The following DECR1 variants were observed in gnomAD, a reference collection of about 807,000 sequenced individuals.
The protein encoded by DECR1 is 2,4-dienoyl-CoA reductase [(3E)-enoyl-CoA-producing], mitochondrial.
In DECR1, 44 loss-of-function variants were observed where a neutral mutation model predicts 38.8. The ratio of observed to expected loss-of-function variants is 1.13; its 90% CI spans 0.89 to 1.46. The LOEUF (loss-of-function observed/expected upper bound fraction) is 1.46. Ranked by LOEUF, DECR1 falls within the 40% of genes most tolerant of loss-of-function variation. The pLI is 0.00. For missense variants in DECR1, 428 were observed against 405.5 expected, an observed-to-expected ratio of 1.06 and a Z score of -0.48; for synonymous variants, 148 against 135.2, an observed-to-expected ratio of 1.09 and a Z score of -0.66.
At chr8:90,027,624 G>T (rs1053232793) in intron 5 of DECR1, among the ~76,000 whole-genome samples, 2 of 152,026 alleles carry the variant, frequency 1.3e-5, no homozygotes, top group Non-Finnish European at 2.9e-5. Context: ...CTGCAGGTGA[G>T]ATGGGTCTCC....
intron 5 of DECR1, among the ~76,000 whole-genome samples, chr8:90,024,855 C>T (rs1483573761): frequency 6.6e-6 from 1 of 152,110 alleles, no homozygotes; most frequent in Non-Finnish European, 1.5e-5. Context: ...GGTTTTAGGT[C>T]TGACATTTAA....
At chr8:90,024,231 C>G (rs1393126460) in intron 5 of DECR1, among the ~76,000 whole-genome samples, 2 of 152,132 alleles carry the variant, frequency 1.3e-5, no homozygotes, top group East Asian at 1.9e-4. Context: ...GGGTATATAC[C>G]CAGTAATGGG....
intron 5 of DECR1, among the ~76,000 whole-genome samples, chr8:90,031,454 ATTAAAC>A (rs1410559669): frequency 2.6e-5 from 4 of 152,160 alleles, no homozygotes; most frequent in African/African-American, 9.7e-5. Flanking sequence ...TCTTACTATA[ATTAAAC>A]TTAAAAATAG....
At chr8:90,021,857 G>A (rs1813172386) in intron 5 of DECR1, among the ~76,000 whole-genome samples, 1 of 152,116 alleles carries the variant, frequency 6.6e-6, no homozygotes, top group Non-Finnish European at 1.5e-5. Context: ...GAACTTACTA[G>A]GAGAACATTT....
At chr8:90,020,504 T>A (rs150633423) in intron 4 of DECR1, among the ~76,000 whole-genome samples, 1 of 152,152 alleles carries the variant, frequency 6.6e-6, no homozygotes, top group African/African-American at 2.4e-5. Context: ...TACTCCCACC[T>A]CAGCCTCCCA....
In DECR1 at chr8:90,053,340, G is replaced by A. The variant is rs529179342; in HGVS notation, c.*1443G>A. ...AGTGAGGAGCAAAGTCATGTCTTAC[G>A]TGGTGGCACCCAAGAGAGCTTGTGC... On this transcript the variant is annotated 3_prime_UTR_variant, in exon 10 of 10. Coordinates refer to ENST00000220764, the MANE Select transcript of DECR1 (RefSeq NM_001359.2). Among the ~76,000 whole-genome samples, 2 of 152,266 alleles carry A rather than the reference G, an allele frequency of 1.3e-5. No individual in the cohort carries two copies. Among genetic ancestry groups the A allele is most frequent in the South Asian group, 2.1e-4 (1 of 4,822 alleles).
intron 5 of DECR1, among the ~76,000 whole-genome samples, chr8:90,021,585 T>C (rs549063483): frequency 6.6e-6 from 1 of 152,326 alleles, no homozygotes; most frequent in African/African-American, 2.4e-5. Context: ...TAGATTTCCA[T>C]TGAAGGTGGA....
intron 1 of DECR1, 93 bp downstream of exon 1, chr8:90,001,654 C>A: frequency 8.1e-7 from 1 of 1,231,406 alleles, no homozygotes; most frequent in East Asian, 2.5e-5. Flanking sequence ...GGAGCGAGGA[C>A]AAGGCATCCT....
chr8:90,036,689 C>T (rs1586159235), intron 5 of DECR1, 152 bp from the exon 6 acceptor site: 1 of 527,982 alleles, frequency 1.9e-6, no homozygotes. Flanking sequence ...TTAGGTTACT[C>T]TCTCATTAAT....
At chr8:90,010,532 G>A (rs1481213280) in intron 1 of DECR1, among the ~76,000 whole-genome samples, 1 of 152,212 alleles carries the variant, frequency 6.6e-6, no homozygotes, top group African/African-American at 2.4e-5. Context: ...TATTCAGGGA[G>A]TACATAAGGT....
chr8:90,002,437 A>G (rs1362519460), intron 1 of DECR1, among the ~76,000 whole-genome samples: 1 of 152,106 alleles, frequency 6.6e-6, no homozygotes, highest in East Asian at 1.9e-4. Context: ...TTGCACCCAT[A>G]GTGGAAATAG....
rs187267084 is a variant in DECR1, at chr8:90,004,215, C to G, written c.69+2654C>G. On this transcript the variant is annotated intron_variant, in intron 1 of 9. Coordinates refer to ENST00000220764, the MANE Select transcript of DECR1 (RefSeq NM_001359.2). ...GCGCGTGCCTGTAATCCCAGCTACT[C>G]AGGAGGCTGAGGCAGGAGCTACTCA... is the stretch of plus-strand genomic sequence containing the variant. Among the ~76,000 whole-genome samples the G allele has an allele frequency of 5.7e-3, 863 of 151,502 alleles. 7 individuals carry two copies. Among genetic ancestry groups the G allele is most frequent in the Non-Finnish European group, 8.1e-3 (549 of 67,860 alleles).
chr8:90,014,824 C>T (rs1812967561), intron 1 of DECR1, among the ~76,000 whole-genome samples: 1 of 152,076 alleles, frequency 6.6e-6, no homozygotes, highest in Non-Finnish European at 1.5e-5. Context: ...TACCATTCTA[C>T]TTGAGTGAAC....
At chr8:90,003,712 C>T (rs1265878247) in intron 1 of DECR1, among the ~76,000 whole-genome samples, 1 of 152,098 alleles carries the variant, frequency 6.6e-6, no homozygotes, top group Non-Finnish European at 1.5e-5. Flanking sequence ...GAGGCTGAGG[C>T]GGGTGGATCA....
At chr8:90,040,760 GAC>G in intron 6 of DECR1, among the ~76,000 whole-genome samples, 1 of 152,240 alleles carries the variant, frequency 6.6e-6, no homozygotes, top group Admixed American at 6.5e-5. Context: ...TGCTGAGAAT[GAC>G]AGTTTCCAGC....
chr8:90,035,391 T>C (rs986390497), intron 5 of DECR1, among the ~76,000 whole-genome samples: 11 of 152,056 alleles, frequency 7.2e-5, no homozygotes, highest in Non-Finnish European at 8.8e-5. Flanking sequence ...GTTTTTTTTT[T>C]CCCATTTGTC....
chr8:90,001,546 C>T lies in DECR1; in HGVS notation c.54C>T (p.Gly18=). Residue 18 remains glycine, a synonymous_variant, in exon 1 of 10, where the codon GGC becomes GGT. Transcript: ENST00000220764. ...CTCTGGGGTCCCGGCTGCCCTGTGG[C>T]CTCGCTCCTCGGAGGGTAAGGCGGC... ...FFTLGSRLPC[G]LAPRRFFSYG... 3 of 1,613,436 alleles carry T rather than the reference C, an allele frequency of 1.9e-6. No homozygotes were observed. The highest frequency in any genetic ancestry group is 2.5e-6 in the Non-Finnish European group (3 of 1,179,668).
chr8:90,038,274 A>G (rs1813663657), intron 6 of DECR1, among the ~76,000 whole-genome samples: 1 of 151,944 alleles, frequency 6.6e-6, no homozygotes, highest in African/African-American at 2.4e-5. Context: ...TGTTGTTGGA[A>G]TTTTGCTGTG....
In DECR1 at chr8:90,029,126, A is replaced by G. The variant is rs78315258; in HGVS notation, c.566-7715A>G. ...TTGTAGTCATAGTCACTTAGTTTACACCTGATACTTGGACAGTTAGTGAGT... is the reference window on the plus strand; with the variant it reads ...TTGTAGTCATAGTCACTTAGTTTACGCCTGATACTTGGACAGTTAGTGAGT... On this transcript the variant is annotated intron_variant, in intron 5 of 9. Coordinates refer to ENST00000220764, the MANE Select transcript of DECR1 (RefSeq NM_001359.2). Among the ~76,000 whole-genome samples the G allele has an allele frequency of 5.0e-3, 759 of 152,288 alleles. 9 individuals are homozygous for G. The highest frequency in any genetic ancestry group is 0.017 in the African/African-American group (694 of 41,572).
Sources: gnomAD v4.1 joint callset for allele counts (sites outside exome capture counted in the v4.1 genomes callset) on GRCh38, gnomAD v4.1.1 for gene constraint, MANE v1.5 for transcripts, NCBI Gene and HGNC (gene_info 2026-07-23, HGNC 2026-07-21) for gene names.